The following GIGYF2 variants were observed in gnomAD, a reference collection of about 807,000 sequenced individuals.
The protein encoded by GIGYF2 is GRB10 interacting GYF protein 2.
A neutral mutation model predicts 208.1 loss-of-function variants in GIGYF2; 25 were observed. The ratio of observed to expected loss-of-function variants is 0.12; its 90% CI spans 0.09 to 0.17. The LOEUF (loss-of-function observed/expected upper bound fraction) is 0.17, where lower values mean the gene tolerates loss of function less well. Among genes scored for constraint, GIGYF2 ranks in the 10% least tolerant of loss-of-function variants. The pLI is 1.00. For missense variants in GIGYF2, 1,302 were observed against 1,579.4 expected, an observed-to-expected ratio of 0.82 and a Z score of 2.98; for synonymous variants, 534 against 543.8, an observed-to-expected ratio of 0.98 and a Z score of 0.25.
At chr2:232,766,193 A>G (rs1698956270) in intron 8 of GIGYF2, among the ~76,000 whole-genome samples, 1 of 152,208 alleles carries the variant, frequency 6.6e-6, no homozygotes, top group South Asian at 2.1e-4. Context: ...AAAGTTTTGG[A>G]TCACGTTTCT....
chr2:232,808,587 A>G (rs1164640766), intron 15 of GIGYF2, among the ~76,000 whole-genome samples: 1 of 152,202 alleles, frequency 6.6e-6, no homozygotes, highest in Admixed American at 6.5e-5. Flanking sequence ...AAAGCAAGAA[A>G]AACGTCTCTG....
At chr2:232,747,521 T>A (rs770628838) in intron 3 of GIGYF2, 94 bp from the exon 4 acceptor site, 18 of 1,363,864 alleles carry the variant, frequency 1.3e-5, no homozygotes, top group Non-Finnish European at 1.8e-5. Flanking sequence ...TTTGCTCTTC[T>A]AAAGAACTAA....
intron 3 of GIGYF2, among the ~76,000 whole-genome samples, chr2:232,741,343 C>T (rs1205047917): frequency 2.0e-5 from 3 of 152,108 alleles, no homozygotes; most frequent in Non-Finnish European, 2.9e-5. Context: ...GTTCATTTCT[C>T]TGAATCTCTA....
intron 2 of GIGYF2, among the ~76,000 whole-genome samples, chr2:232,713,070 G>GA (rs1187447677): frequency 8.6e-6 from 1 of 116,118 alleles, no homozygotes; most frequent in Admixed American, 1.1e-4. Context: ...AAAAAGTGTA[G>GA]AAAAAACTTC....
chr2:232,733,116 G>T (rs1307110817), intron 2 of GIGYF2, among the ~76,000 whole-genome samples: 1 of 152,146 alleles, frequency 6.6e-6, no homozygotes, highest in Non-Finnish European at 1.5e-5. Flanking sequence ...TATTAGCCGG[G>T]TGTGGTGGCA....
At chr2:232,769,294 C>G (rs1372214308) in intron 8 of GIGYF2, among the ~76,000 whole-genome samples, 5 of 151,830 alleles carry the variant, frequency 3.3e-5, no homozygotes, top group Admixed American at 2.6e-4. Context: ...ACTTTGGGAG[C>G]CCGAGGCGGG....
chr2:232,849,176 T>C (rs1231316529), intron 27 of GIGYF2, among the ~76,000 whole-genome samples: 2 of 152,076 alleles, frequency 1.3e-5, no homozygotes, highest in Admixed American at 6.6e-5. Flanking sequence ...AAACAAATTT[T>C]TTTTTTGGGA....
chr2:232,711,805 G>GT (rs1696426844), intron 2 of GIGYF2, among the ~76,000 whole-genome samples: 3 of 145,882 alleles, frequency 2.1e-5, no homozygotes, highest in South Asian at 2.2e-4. Context: ...AACCAGCAGT[G>GT]TTTTTTTTCT....
intron 21 of GIGYF2, among the ~76,000 whole-genome samples, chr2:232,824,564 G>A (rs1701191947): frequency 6.6e-6 from 1 of 152,194 alleles, no homozygotes; most frequent in Admixed American, 6.5e-5. Context: ...TGAAGCTGAA[G>A]AAGAAAAGTT....
rs1289834756 is a variant in GIGYF2, at chr2:232,857,148, T to A, written c.*288T>A. On this transcript the variant is annotated 3_prime_UTR_variant, in exon 29 of 29. Coordinates refer to ENST00000373563, the MANE Select transcript of GIGYF2 (RefSeq NM_001103146.3). ...TTTAGGCAGCATGTGTTCACTGTGCTGTGATTTCATCTACTGTCTCCCAGA... is the reference window on the plus strand; with the variant it reads ...TTTAGGCAGCATGTGTTCACTGTGCAGTGATTTCATCTACTGTCTCCCAGA... The A allele has an allele frequency of 2.0e-5, 10 of 501,358 alleles. No homozygotes were observed. Among genetic ancestry groups the A allele is most frequent in the Non-Finnish European group, 3.6e-5 (10 of 275,712 alleles). The allele number at this position is 501,358 out of a possible 1,614,324, so 31.1% of individuals were successfully genotyped here.
chr2:232,812,538 C>A, intron 18 of GIGYF2, 47 bp downstream of exon 18: 1 of 776,828 alleles, frequency 1.3e-6, no homozygotes, highest in East Asian at 2.5e-5. Context: ...GATTCAGAGT[C>A]TAATAATAAT....
rs748949446 is a variant in GIGYF2, at chr2:232,747,608, A to T, written c.42-7A>T. The stretch of plus-strand genomic sequence containing the variant: ...GTTTGACATATTCTCTGTCTTTTCT[A>T]TTCTAGGCTCCGAGCTCTGTCCAGT... On this transcript the variant is annotated splice_region_variant and splice_polypyrimidine_tract_variant and intron_variant, in intron 3 of 28. Coordinates refer to ENST00000373563, the MANE Select transcript of GIGYF2 (RefSeq NM_001103146.3). 6.2e-7 allele frequency: 1 copy of T among 1,613,904 alleles called. No homozygotes were observed. Among genetic ancestry groups the T allele is most frequent in the South Asian group, 1.1e-5 (1 of 91,082 alleles).
chr2:232,791,193 G>A, intron 11 of GIGYF2, 23 bp downstream of exon 11: 1 of 1,613,906 alleles, frequency 6.2e-7, no homozygotes, highest in Non-Finnish European at 8.5e-7. Context: ...CTTGCCCTTT[G>A]CCTTTTTTTT....
At chr2:232,748,103 A>G (rs1184805537) in intron 4 of GIGYF2, among the ~76,000 whole-genome samples, 1 of 152,232 alleles carries the variant, frequency 6.6e-6, no homozygotes, top group African/African-American at 2.4e-5. Context: ...CCACTTAAAA[A>G]TAAAGAGCCA....
At chr2:232,815,250 A>T (rs1381098816) in intron 18 of GIGYF2, among the ~76,000 whole-genome samples, 1 of 152,176 alleles carries the variant, frequency 6.6e-6, no homozygotes. Flanking sequence ...CTGGAAATCT[A>T]TGTGCTTTGG....
At chr2:232,855,458 G>A (rs1186579226) in intron 28 of GIGYF2, among the ~76,000 whole-genome samples, 1 of 152,160 alleles carries the variant, frequency 6.6e-6, no homozygotes, top group Non-Finnish European at 1.5e-5. Flanking sequence ...TTCCCTTTTG[G>A]TTAATCAAAC....
chr2:232,781,710 A>G (rs1699729116), intron 8 of GIGYF2, among the ~76,000 whole-genome samples: 1 of 152,126 alleles, frequency 6.6e-6, no homozygotes, highest in Admixed American at 6.5e-5. Context: ...AGCTTGTTAT[A>G]CTTAAATCCC....
chr2:232,745,977 G>A (rs1479202915), intron 3 of GIGYF2, among the ~76,000 whole-genome samples: 1 of 152,084 alleles, frequency 6.6e-6, no homozygotes, highest in Non-Finnish European at 1.5e-5. Flanking sequence ...AATGTTTTGG[G>A]TCAGGCATGG....
At position 232,794,834 on chromosome 2, in the gene GIGYF2, A is replaced by C; in HGVS notation, c.1369A>C (p.Asn457His). Reference protein sequence around the residue: ...PLLILPPPVPNPSPTLRPVET... With the variant: ...PLLILPPPVPHPSPTLRPVET... ...TCTCATACTTCCACCTCCTGTTCCCAATCCTAGTCCTACTCTCCGGCCAGT... is the reference window on the plus strand; with the variant it reads ...TCTCATACTTCCACCTCCTGTTCCCCATCCTAGTCCTACTCTCCGGCCAGT... The change falls in exon 13 of 29, where the codon AAT (asparagine) becomes CAT (histidine). Residue 457 changes from asparagine (N) to histidine (H), a missense_variant. Physicochemically the swap from Asn to His is moderately conservative, Grantham distance 68 (BLOSUM62 1). Coordinates refer to ENST00000373563, the MANE Select transcript of GIGYF2 (RefSeq NM_001103146.3). 6.2e-7 allele frequency: 1 copy of C among 1,613,804 alleles called. No homozygotes were observed.
Sources: gnomAD v4.1 joint callset for allele counts (sites outside exome capture counted in the v4.1 genomes callset) on GRCh38, gnomAD v4.1.1 for gene constraint, MANE v1.5 for transcripts, NCBI Gene and HGNC (gene_info 2026-07-23, HGNC 2026-07-21) for gene names.